The following MAPK3 variants were observed in gnomAD, a reference collection of about 807,000 sequenced individuals.
MAPK3 encodes MAPK 1.
In MAPK3, 30 loss-of-function variants were observed where a neutral mutation model predicts 41.8. The ratio of observed to expected loss-of-function variants is 0.72; its 90% CI spans 0.54 to 0.97. MAPK3 has a LOEUF of 0.97. MAPK3 is among the 50% of genes least tolerant of loss of function. The pLI is 0.00. For missense variants in MAPK3, 413 were observed against 509.9 expected (o/e 0.81, Z 1.83); for synonymous variants, 222 against 213.4 (o/e 1.04, Z -0.35).
Position 30,122,963 on chromosome 16 carries a change from G to A in MAPK3, c.170+77C>T, listed in dbSNP as rs1596884452. On this transcript the variant is annotated intron_variant, in intron 1 of 8. Transcript: ENST00000263025. The stretch of plus-strand genomic sequence containing the variant: ...GCTCCGCGTCTCCACGTCCCGGAAA[G>A]CGCTCGGCGCCTCCTCCTCCTCTCC... 4 of 1,253,080 alleles carry A rather than the reference G, an allele frequency of 3.2e-6. No individual in the cohort carries two copies. The South Asian group carries it at 5.3e-5, about 17-fold the overall frequency. 77.6% of individuals were successfully genotyped at this position (1,253,080 alleles called of 1,614,324 possible).
chr16:30,123,214 A>ACTCCTCCC lies in MAPK3; in HGVS notation c.-6_-5insGGGAGGAG. The ACTCCTCCC allele has an allele frequency of 1.2e-6, 1 of 816,400 alleles. No homozygotes were observed. 50.6% of individuals were successfully genotyped at this position (816,400 alleles called of 1,614,324 possible). ...CTGAGCCGCCGCCGCCGCCATCTCC[A>ACTCCTCCC]CTCCTCCCCTCCCACCGCCCTCCTC... On this transcript the variant is annotated 5_prime_UTR_variant, in exon 1 of 9. Transcript: ENST00000263025.
rs573393991 is a variant in MAPK3, at chr16:30,123,132, C to T, written c.78G>A (p.Gly26=). 1.4e-4 allele frequency: 211 copies of T among 1,549,554 alleles called. No individual in the cohort carries two copies. Among genetic ancestry groups the T allele is most frequent in the Middle Eastern group, 5.3e-4 (3 of 5,676 alleles). ...GCTGCCCCTTCACCATCTCCACCTC[C>T]CCCGGGACCCCCGGGCCGACCCCCT... The part of the protein sequence containing the change: ...RTEGVGPGVP[G]EVEMVKGQPF... Residue 26 remains glycine, a synonymous_variant, in exon 1 of 9, where the codon GGG becomes GGA. Coordinates refer to ENST00000263025, the MANE Select transcript of MAPK3 (RefSeq NM_002746.3).
intron 1 of MAPK3, 46 bp from the exon 2 acceptor site, chr16:30,122,052 GA>G (rs760221792): frequency 1.2e-5 from 19 of 1,604,058 alleles, no homozygotes; most frequent in Non-Finnish European, 1.6e-5. Context: ...TACAAAGGGG[GA>G]GTCCGGGCCT....
chr16:30,116,935 C>G lies in MAPK3; in HGVS notation c.976G>C (p.Ala326Pro), dbSNP rs775725620. The change falls in exon 7 of 9, where the codon GCT (alanine) becomes CCT (proline). Residue 326 changes from alanine (A) to proline (P), a missense_variant. Physicochemically the swap from Ala to Pro is conservative, Grantham distance 27. Transcript: ENST00000263025. ...NKRITVEEALAHPYLEQYYDP... is the reference protein window; with the variant it reads ...NKRITVEEALPHPYLEQYYDP... The stretch of plus-strand genomic sequence containing the variant: ...TAGTACTGCTCCAGGTAGGGGTGAG[C>G]CAGCGCTTCCTCCACTGTGATCCGT... 6.2e-7 allele frequency: 1 copy of G among 1,613,750 alleles called. No homozygotes were observed. The highest frequency in any genetic ancestry group is 8.5e-7 in the Non-Finnish European group (1 of 1,179,842).
chr16:30,122,355 A>G, intron 1 of MAPK3: 1 of 370,372 alleles, frequency 2.7e-6, no homozygotes, highest in Non-Finnish European at 5.1e-6. Context: ...GATGCTGGGG[A>G]CACACCATGG....
rs977578035 is a variant in MAPK3, at chr16:30,114,134, T to C, written c.*607A>G. ...CCATAGACACATCTCTATATTTATA[T>C]ATTAGACGGGTCAGGGAGGTGGCAG... On this transcript the variant is annotated 3_prime_UTR_variant, in exon 9 of 9. Coordinates refer to ENST00000263025, the MANE Select transcript of MAPK3 (RefSeq NM_002746.3). 6.6e-6 allele frequency: 1 copy of C among 152,244 alleles called. No individual in the cohort carries two copies. The highest frequency in any genetic ancestry group is 6.5e-5 in the Admixed American group (1 of 15,278). 9.4% of individuals were successfully genotyped at this position (152,244 alleles called of 1,614,324 possible).
rs1013163867 is a variant in MAPK3 at position 30,121,783 on chromosome 16, A to T, written c.353+41T>A. 4 of 1,592,738 alleles carry T rather than the reference A, an allele frequency of 2.5e-6. No homozygotes were observed. The African/African-American group carries it at 5.4e-5, about 21-fold the overall frequency. The stretch of plus-strand genomic sequence containing the variant: ...GCAACGGGTCCCCAGCCCAGCTGCG[A>T]GGCCGTGCCTGACCAGCCGACTGGC... On this transcript the variant is annotated intron_variant, in intron 2 of 8. Transcript: ENST00000263025.
At chr16:30,117,031 CAG>C in intron 6 of MAPK3, 28 bp from the exon 7 acceptor site, 1 of 1,592,880 alleles carries the variant, frequency 6.3e-7, no homozygotes, top group Non-Finnish European at 8.6e-7. Flanking sequence ...TCAGGGGTCA[CAG>C]GGAAGACTGG....
intron 2 of MAPK3, among the ~76,000 whole-genome samples, chr16:30,119,172 C>CAA (rs1399320698): frequency 6.7e-6 from 1 of 149,256 alleles, no homozygotes; most frequent in African/African-American, 2.5e-5. Flanking sequence ...AAAAAAAAAA[C>CAA]CTACAAAAAG....
At chr16:30,117,364 AC>A (rs1567354747) in intron 5 of MAPK3, 79 bp from the exon 6 acceptor site, 14 of 1,457,232 alleles carry the variant, frequency 9.6e-6, no homozygotes, top group East Asian at 2.4e-5. Flanking sequence ...CAAGAACAAG[AC>A]CCCCCAGCCC....
chr16:30,118,605 G>C (rs753981589), intron 2 of MAPK3, 67 bp from the exon 3 acceptor site: 3 of 1,366,274 alleles, frequency 2.2e-6, no homozygotes, highest in Non-Finnish European at 3.1e-6. Flanking sequence ...AGGAAAACAG[G>C]CTCTGAAGGC....
chr16:30,123,086 A>G lies in MAPK3; in HGVS notation c.124T>C (p.Tyr42His). 5 of 1,562,766 alleles carry G rather than the reference A, an allele frequency of 3.2e-6. No homozygotes were observed. The highest frequency in any genetic ancestry group is 4.3e-6 in the Non-Finnish European group (5 of 1,156,506). Reference protein sequence around the residue: ...KGQPFDVGPRYTQLQYIGEGA... With the variant: ...KGQPFDVGPRHTQLQYIGEGA... ...TCGCCGATGTACTGCAACTGCGTGT[A>G]GCGCGGGCCCACGTCGAACGGCTGC... Residue 42 changes from tyrosine (Y) to histidine (H), a missense_variant, in exon 1 of 9, where the codon TAC becomes CAC. Physicochemically the swap from Tyr to His is moderately conservative, Grantham distance 83. Transcript: ENST00000263025.
chr16:30,117,865 G>T, intron 4 of MAPK3, 81 bp from the exon 5 acceptor site: 1 of 1,225,174 alleles, frequency 8.2e-7, no homozygotes, highest in Non-Finnish European at 1.2e-6. Flanking sequence ...CCACCTCCAA[G>T]TTAGATCCAA....
rs754705731 is a variant in MAPK3 at position 30,116,693 on chromosome 16, T to C, written c.1115A>G (p.Gln372Arg). 3.7e-6 allele frequency: 6 copies of C among 1,613,638 alleles called. No individual in the cohort carries two copies. Among genetic ancestry groups the C allele is most frequent in the Admixed American group, 3.3e-5 (2 of 59,994 alleles). The change falls in exon 8 of 9, where the codon CAG (glutamine) becomes CGG (arginine). Residue 372 changes from glutamine (Q) to arginine (R), a missense_variant. Gln to Arg is a conservative substitution (Grantham distance 43). Transcript: ENST00000263025. ...ELIFQETARF[Q>R]PGVLEAP The stretch of plus-strand genomic sequence containing the variant: ...CTAGGGGGCCTCCAGCACTCCGGGC[T>C]GGAAGCGTGCTGTCTCCTGGAAGAT...
At chr16:30,115,925 T>A (rs1475184513) in intron 8 of MAPK3, 2 of 151,822 alleles carry the variant, frequency 1.3e-5, no homozygotes, top group Non-Finnish European at 2.9e-5. Context: ...CCAGCTCATT[T>A]TTGTATTCTT....
Position 30,114,381 on chromosome 16 carries a change from C to G in MAPK3, c.*360G>C, listed in dbSNP as rs1309687182. On this transcript the variant is annotated 3_prime_UTR_variant, in exon 9 of 9. Coordinates refer to ENST00000263025, the MANE Select transcript of MAPK3 (RefSeq NM_002746.3). Reference sequence around the variant, plus strand: ...CATGGCCCTGAGTCCCTACTCAGCGCCCCCCACCCTCCACCTCTGCCCTTC... The same window carrying G: ...CATGGCCCTGAGTCCCTACTCAGCGGCCCCCACCCTCCACCTCTGCCCTTC... The G allele has an allele frequency of 6.5e-6, 1 of 152,708 alleles. No individual in the cohort carries two copies. The highest frequency in any genetic ancestry group is 2.1e-4 in the South Asian group (1 of 4,832). 9.5% of individuals were successfully genotyped at this position (152,708 alleles called of 1,614,324 possible).
chr16:30,122,075 CCAGGCCTTGG>C, intron 1 of MAPK3, 69 bp from the exon 2 acceptor site: 1 of 1,520,674 alleles, frequency 6.6e-7, no homozygotes, highest in Admixed American at 1.7e-5. Flanking sequence ...GTGGCCCCAC[CCAGGCCTTGG>C]CAGGGAGGGG....
intron 2 of MAPK3, among the ~76,000 whole-genome samples, chr16:30,119,172 C>A (rs11865086): frequency 0.55 from 82,206 of 149,156 alleles, 23,626 homozygotes; most frequent in African/African-American, 0.69. Flanking sequence ...AAAAAAAAAA[C>A]CTACAAAAAG....
chr16:30,122,952 C>T (rs1442351748), intron 1 of MAPK3, 88 bp downstream of exon 1: 1 of 1,197,664 alleles, frequency 8.3e-7, no homozygotes. Context: ...CGCGTCTCCA[C>T]GTCCCGGAAA....
Sources: gnomAD v4.1 joint callset for allele counts (sites outside exome capture counted in the v4.1 genomes callset) on GRCh38, gnomAD v4.1.1 for gene constraint, MANE v1.5 for transcripts, NCBI Gene and HGNC (gene_info 2026-07-23, HGNC 2026-07-21) for gene names.